TMIGD3: variants seen among roughly 807,000 people sequenced by gnomAD.
TMIGD3 encodes AD026 protein (AD026).
TMIGD3 carries 21 observed loss-of-function variants against 28.1 expected under a neutral mutation model. The observed-to-expected ratio is 0.75, with a 90% CI of 0.53 to 1.08. The LOEUF (loss-of-function observed/expected upper bound fraction) is 1.08, where lower values mean the gene tolerates loss of function less well. Among genes scored for constraint, TMIGD3 ranks in the 50% least tolerant of loss-of-function variants. The pLI, the probability that TMIGD3 is intolerant of heterozygous loss-of-function variation, is 0.00. For missense variants in TMIGD3, 416 were observed against 435.6 expected (o/e 0.96, Z 0.40); for synonymous variants, 151 against 162.1 (o/e 0.93, Z 0.52).
upstream of TMIGD3, among the ~76,000 whole-genome samples, chr1:111,505,557 C>T (rs570120843): frequency 6.6e-6 from 1 of 152,292 alleles, no homozygotes; most frequent in African/African-American, 2.4e-5. Context: ...TTCACAGTCA[C>T]TTAACATTTT....
intron 1 of TMIGD3, among the ~76,000 whole-genome samples, chr1:111,493,249 G>T (rs551737835): frequency 6.6e-6 from 1 of 152,132 alleles, no homozygotes; most frequent in Non-Finnish European, 1.5e-5. Flanking sequence ...GTGGGGTCTC[G>T]TGGGAAGTGT....
rs181370465 is a variant in TMIGD3 at position 111,489,234 on chromosome 1, T to C, written c.458-210A>G. On this transcript the variant is annotated intron_variant, in intron 2 of 5. Transcript: ENST00000369716. ...CCTAACCTCCAGTGACCCCAGAATG[T>C]GACTGTATTTGGATATAAGGCCTTT... 1.6e-3 allele frequency among the ~76,000 whole-genome samples: 240 copies of C among 152,336 alleles called. 2 individuals are homozygous for C. Among genetic ancestry groups the C allele is most frequent in the Non-Finnish European group, 3.8e-4 (26 of 68,030 alleles).
At chr1:111,527,859 A>T (rs1264961504) in intron 1 of TMIGD3, among the ~76,000 whole-genome samples, 1 of 151,876 alleles carries the variant, frequency 6.6e-6, no homozygotes, top group Admixed American at 6.6e-5. Flanking sequence ...TAATTTTTTT[A>T]TTGTTGAGGT....
intron 1 of TMIGD3, among the ~76,000 whole-genome samples, chr1:111,536,292 T>G (rs922687843): frequency 2.6e-5 from 4 of 152,024 alleles, no homozygotes; most frequent in African/African-American, 9.7e-5. Flanking sequence ...TCACTCATTA[T>G]TAATATTAGA....
intron 1 of TMIGD3, among the ~76,000 whole-genome samples, chr1:111,529,685 G>A (rs2101012438): frequency 6.6e-6 from 1 of 151,424 alleles, no homozygotes; most frequent in South Asian, 2.1e-4. Context: ...AGGGTTGGGG[G>A]TAAGGTCACA....
intron 1 of TMIGD3, chr1:111,499,613 T>C (rs1200599373): frequency 1.8e-6 from 2 of 1,102,190 alleles, no homozygotes; most frequent in African/African-American, 3.2e-5. Flanking sequence ...TCAGCCCAAC[T>C]GGAGCCTTTT....
intron 1 of TMIGD3, among the ~76,000 whole-genome samples, chr1:111,552,349 A>C (rs1475393418): frequency 3.3e-5 from 5 of 152,238 alleles, no homozygotes; most frequent in Non-Finnish European, 7.3e-5. Context: ...AAGGCAAGTT[A>C]TAATGTCACA....
At chr1:111,542,220 C>T in intron 1 of TMIGD3, 1 of 590,266 alleles carries the variant, frequency 1.7e-6, no homozygotes, top group Admixed American at 1.9e-5. Flanking sequence ...AAACAGACAT[C>T]CTTCGCGTAC....
chr1:111,503,500 C>A lies in TMIGD3; in HGVS notation c.-146G>T. The A allele has an allele frequency of 6.9e-7, 1 of 1,443,342 alleles. No individual in the cohort carries two copies. Among genetic ancestry groups the A allele is most frequent in the Non-Finnish European group, 9.1e-7 (1 of 1,099,356 alleles). The allele number at this position is 1,443,342 out of a possible 1,614,324, so 89.4% of individuals were successfully genotyped here. On this transcript the variant is annotated 5_prime_UTR_variant, in exon 1 of 6. It adds an upstream start codon to the 5' untranslated region. Coordinates refer to ENST00000369716, the MANE Select transcript of TMIGD3 (RefSeq NM_020683.7). ...AATTCCCAACTTGCTCATTCCTACC[C>A]TTTTCTGGTGGGGTGATCTCTTGGA...
chr1:111,540,717 C>A (rs908723759), intron 1 of TMIGD3, among the ~76,000 whole-genome samples: 2 of 152,180 alleles, frequency 1.3e-5, no homozygotes, highest in Non-Finnish European at 2.9e-5. Flanking sequence ...TAAGGTTCAA[C>A]TTCTGGTGGT....
intron 1 of TMIGD3, among the ~76,000 whole-genome samples, chr1:111,502,359 G>A (rs1286731427): frequency 7.3e-6 from 1 of 136,498 alleles, no homozygotes; most frequent in African/African-American, 2.7e-5. Flanking sequence ...AATATATATA[G>A]GATACATATA....
Position 111,489,032 on chromosome 1 carries a change from A to AAC in TMIGD3, c.458-10_458-9dup, listed in dbSNP as rs10602160. 304 of 1,596,066 alleles carry AAC rather than the reference A, an allele frequency of 1.9e-4. No homozygotes were observed. In the African/African-American group the frequency reaches 2.6e-3, roughly 14 times the overall value. ...CATCCATGACCATGGCATCTGTGAAAACACACACACACACGCACACGTGCA... is the reference window on the plus strand; with the variant it reads ...CATCCATGACCATGGCATCTGTGAAAACACACACACACACACGCACACGTGCA... On this transcript the variant is annotated splice_polypyrimidine_tract_variant and intron_variant, in intron 2 of 5. Transcript: ENST00000369716.
intron 3 of TMIGD3, among the ~76,000 whole-genome samples, chr1:111,487,649 C>G (rs567080740): frequency 2.2e-4 from 33 of 152,288 alleles, no homozygotes; most frequent in Non-Finnish European, 4.0e-4. Flanking sequence ...TATGTCTTAG[C>G]TCCAGCCAAG....
At chr1:111,540,107 C>A (rs11102304) in intron 1 of TMIGD3, among the ~76,000 whole-genome samples, 76,557 of 152,072 alleles carry the variant, frequency 0.5, 19,423 homozygotes, top group East Asian at 0.57. Context: ...ATTACAATTG[C>A]TAATTGGGAA....
At chr1:111,539,228 C>T (rs2786969) in intron 1 of TMIGD3, among the ~76,000 whole-genome samples, 149,004 of 152,342 alleles carry the variant, frequency 0.98, 72,950 homozygotes, top group East Asian at 1. Flanking sequence ...TGATACTATG[C>T]TCTTCAGCCC....
At chr1:111,550,172 G>A (rs531181893) in intron 1 of TMIGD3, among the ~76,000 whole-genome samples, 17 of 152,178 alleles carry the variant, frequency 1.1e-4, no homozygotes, top group African/African-American at 4.1e-4. Flanking sequence ...TGATAGTAAG[G>A]TGCCTGCTCT....
In TMIGD3 at chr1:111,536,284, A is replaced by G. The variant is rs1656638287; in HGVS notation, c.107+27562T>C. Among the ~76,000 whole-genome samples the G allele has an allele frequency of 2.6e-5, 4 of 151,824 alleles. No individual in the cohort carries two copies. The South Asian group carries it at 8.3e-4, about 32-fold the overall frequency. On this transcript the variant is annotated intron_variant, in intron 1 of 5. Coordinates refer to the TMIGD3 transcript ENST00000369717. ...ACTGATATCAACAAAAAGAAGAGTC[A>G]CTCATTATTAATATTAGAAGGACAT...
intron 3 of TMIGD3, among the ~76,000 whole-genome samples, chr1:111,488,312 G>T (rs944918361): frequency 6.6e-6 from 1 of 151,664 alleles, no homozygotes; most frequent in East Asian, 1.9e-4. Context: ...AACCTCTGCC[G>T]CCTGGTTCAA....
chr1:111,533,190 A>T (rs1656512371), intron 1 of TMIGD3, among the ~76,000 whole-genome samples: 1 of 152,166 alleles, frequency 6.6e-6, no homozygotes, highest in African/African-American at 2.4e-5. Context: ...TACGTGGAGG[A>T]CACAAGTTTT....
Sources: allele counts gnomAD v4.1 joint callset (sites outside exome capture counted in the v4.1 genomes callset), GRCh38; gene constraint gnomAD v4.1.1; transcripts MANE v1.5; gene names NCBI Gene and HGNC (gene_info 2026-07-23, HGNC 2026-07-21).